The following RABGAP1 variants were observed in gnomAD, a reference collection of about 807,000 sequenced individuals.
RABGAP1 encodes rab GTPase-activating protein 1.
In RABGAP1, 23 loss-of-function variants were observed where a neutral mutation model predicts 137.6. The observed-to-expected ratio is 0.17, with a 90% CI of 0.12 to 0.24. The LOEUF (loss-of-function observed/expected upper bound fraction) is 0.24. RABGAP1 is among the 10% of genes least tolerant of loss of function. The pLI is 1.00. For synonymous variants in RABGAP1, 451 were observed against 450.7 expected (o/e 1.00, Z -0.01); for missense variants, 906 against 1,275.8 (o/e 0.71, Z 4.42).
chr9:122,942,870 G>A (rs900966286), intron 1 of RABGAP1, among the ~76,000 whole-genome samples: 2 of 151,886 alleles, frequency 1.3e-5, no homozygotes, highest in Admixed American at 6.6e-5. Context: ...TATTTGTGGC[G>A]TGAGGTGATT....
At chr9:122,983,481 A>G (rs887428529) in intron 2 of RABGAP1, among the ~76,000 whole-genome samples, 2 of 152,182 alleles carry the variant, frequency 1.3e-5, no homozygotes, top group Non-Finnish European at 2.9e-5. Context: ...AGTTTATAGA[A>G]TTATAAAAGC....
intron 14 of RABGAP1, among the ~76,000 whole-genome samples, chr9:123,067,536 C>T (rs2034215522): frequency 6.6e-6 from 1 of 152,328 alleles, no homozygotes; most frequent in Admixed American, 6.5e-5. Context: ...TATATCCTGA[C>T]TTAGCCCTTA....
At chr9:122,996,836 T>G in intron 8 of RABGAP1, 1 of 486,828 alleles carries the variant, frequency 2.1e-6, no homozygotes, top group Non-Finnish European at 3.7e-6. Flanking sequence ...AATTCTTGTT[T>G]AAATATTTGA....
At chr9:123,005,218 G>C (rs1461436305) in intron 10 of RABGAP1, among the ~76,000 whole-genome samples, 1 of 151,464 alleles carries the variant, frequency 6.6e-6, no homozygotes, top group Non-Finnish European at 1.5e-5. Context: ...ATTTTTTATT[G>C]TGGTTCTGTT....
At chr9:122,998,494 T>C in intron 9 of RABGAP1, 103 bp from the exon 10 acceptor site, 1 of 992,620 alleles carries the variant, frequency 1.0e-6, no homozygotes, top group Middle Eastern at 2.4e-4. Context: ...ACTTAAGGTA[T>C]TTTGAAAGTT....
intron 13 of RABGAP1, among the ~76,000 whole-genome samples, chr9:123,036,716 A>G (rs1267820329): frequency 6.6e-6 from 1 of 152,192 alleles, no homozygotes; most frequent in Non-Finnish European, 1.5e-5. Context: ...AGTTAGTGCT[A>G]AGGAATCCAC....
In RABGAP1 at chr9:123,097,781, T is replaced by A; in HGVS notation, c.2669T>A (p.Met890Lys). 1 of 1,613,970 alleles carries A rather than the reference T, an allele frequency of 6.2e-7. No homozygotes were observed. The highest frequency in any genetic ancestry group is 1.3e-5 in the African/African-American group (1 of 75,030). Residue 890 changes from methionine to lysine, a missense_variant, in exon 22 of 26, where the codon ATG becomes AAG. By Grantham distance (95) the Met-to-Lys change is moderately conservative (BLOSUM62 -1). This residue lies in a region of RABGAP1 where 193 missense variants were observed against 248.1 expected (regional missense o/e 0.78). Coordinates refer to ENST00000373647, the MANE Select transcript of RABGAP1 (RefSeq NM_012197.4). ...GATGCTCTGAATAAGGAGCTGCTGA[T>A]GACCAAACAGAAGTTGATTGATGCA... The part of the protein sequence containing the change: ...KADALNKELL[M>K]TKQKLIDAEE...
At chr9:123,040,804 G>A (rs1010739225) in intron 13 of RABGAP1, among the ~76,000 whole-genome samples, 5 of 152,110 alleles carry the variant, frequency 3.3e-5, no homozygotes, top group Admixed American at 6.5e-5. Context: ...CAGATAATTA[G>A]GGATGTGATA....
intron 13 of RABGAP1, among the ~76,000 whole-genome samples, chr9:123,032,901 C>T (rs796768458): frequency 4.6e-5 from 7 of 152,104 alleles, no homozygotes; most frequent in Non-Finnish European, 1.5e-5. Flanking sequence ...CTGTAATATC[C>T]ATGCCTGAGT....
chr9:122,995,219 A>C (rs1197410806), intron 6 of RABGAP1, among the ~76,000 whole-genome samples: 1 of 152,232 alleles, frequency 6.6e-6, no homozygotes. Flanking sequence ...TTTATAATAA[A>C]GTTAACAGTG....
Position 122,999,426 on chromosome 9 carries a change from G to A in RABGAP1, c.1374+660G>A, listed in dbSNP as rs1355548275. 2.6e-5 allele frequency among the ~76,000 whole-genome samples: 4 copies of A among 151,820 alleles called. 2 individuals carry two copies. In the South Asian group the frequency reaches 8.3e-4, roughly 32 times the overall value. On this transcript the variant is annotated intron_variant, in intron 10 of 25. Coordinates refer to ENST00000373647, the MANE Select transcript of RABGAP1 (RefSeq NM_012197.4). The stretch of plus-strand genomic sequence containing the variant: ...GGCTGGTCTCGGACTCCTCACCTCA[G>A]GTCATCCGCCCACCTCAGCCTCCCA...
intron 11 of RABGAP1, among the ~76,000 whole-genome samples, chr9:123,010,981 G>T (rs1023961769): frequency 6.7e-6 from 1 of 150,370 alleles, no homozygotes; most frequent in Admixed American, 6.6e-5. Context: ...ACTGATAAAC[G>T]TTAAGAATCC....
intron 12 of RABGAP1, 98 bp from the exon 13 acceptor site, chr9:123,020,211 G>T (rs967352452): frequency 1.8e-6 from 2 of 1,090,404 alleles, no homozygotes; most frequent in African/African-American, 1.6e-5. Flanking sequence ...ACCTTGTCAC[G>T]TATTTGTAAG....
At chr9:122,950,680 A>G (rs577396357) in intron 1 of RABGAP1, among the ~76,000 whole-genome samples, 21 of 152,240 alleles carry the variant, frequency 1.4e-4, no homozygotes, top group African/African-American at 5.1e-4. Flanking sequence ...CCATAATTCT[A>G]TACCTGGTGT....
intron 14 of RABGAP1, among the ~76,000 whole-genome samples, chr9:123,065,777 C>G (rs1426980195): frequency 6.6e-6 from 1 of 152,192 alleles, no homozygotes; most frequent in East Asian, 1.9e-4. Context: ...ACTGCAGACT[C>G]CTTTTCAGTA....
chr9:123,021,478 C>G (rs1041451810), intron 13 of RABGAP1, among the ~76,000 whole-genome samples: 2 of 152,010 alleles, frequency 1.3e-5, no homozygotes, highest in Admixed American at 1.3e-4. Flanking sequence ...TGCGCACCAC[C>G]ATGCCTAATT....
chr9:123,049,161 C>A (rs2033348285), intron 13 of RABGAP1, among the ~76,000 whole-genome samples: 1 of 150,422 alleles, frequency 6.6e-6, no homozygotes, highest in Admixed American at 6.6e-5. Flanking sequence ...CTTATATAAT[C>A]ATTCAGCTAA....
At chr9:123,013,352 G>A (rs1564132431) in intron 11 of RABGAP1, among the ~76,000 whole-genome samples, 1 of 146,838 alleles carries the variant, frequency 6.8e-6, no homozygotes, top group South Asian at 2.2e-4. Context: ...TTTTTTTTGA[G>A]ATGGAGTCTC....
chr9:123,081,612 T>C (rs1451367794), intron 19 of RABGAP1, among the ~76,000 whole-genome samples: 1 of 152,096 alleles, frequency 6.6e-6, no homozygotes, highest in Non-Finnish European at 1.5e-5. Flanking sequence ...TAATTTTTTT[T>C]TTTTATTTTG....
Sources: allele counts gnomAD v4.1 joint callset (sites outside exome capture counted in the v4.1 genomes callset), GRCh38; gene constraint gnomAD v4.1.1; regional missense constraint gnomAD v4.1.1; transcripts MANE v1.5; gene names NCBI Gene and HGNC (gene_info 2026-07-23, HGNC 2026-07-21).